NEGR1: variants seen among roughly 807,000 people sequenced by gnomAD.
The protein encoded by NEGR1 is IgLON family member 4.
A neutral mutation model predicts 40.9 loss-of-function variants in NEGR1; 10 were observed. The ratio of observed to expected loss-of-function variants is 0.24; its 90% CI spans 0.15 to 0.42. The LOEUF (loss-of-function observed/expected upper bound fraction) is 0.42. Ranked by LOEUF, NEGR1 falls within the 10% of genes least tolerant of loss-of-function variation. The pLI is 1.00. For synonymous variants in NEGR1, 185 were observed against 166.8 expected, an observed-to-expected ratio of 1.11 and a Z score of -0.84; for missense variants, 352 against 438.9, an observed-to-expected ratio of 0.80 and a Z score of 1.77.
chr1:72,174,769 A>T lies in NEGR1; in HGVS notation c.176+107550T>A, dbSNP rs7416220. Among the ~76,000 whole-genome samples the T allele has an allele frequency of 2.5e-3, 387 of 152,060 alleles. 2 individuals are homozygous for T. Among genetic ancestry groups the T allele is most frequent in the African/African-American group, 8.7e-3 (362 of 41,480 alleles). On this transcript the variant is annotated intron_variant, in intron 1 of 6. Coordinates refer to ENST00000357731, the MANE Select transcript of NEGR1 (RefSeq NM_173808.3). ...TTTCTTATAAAATTAAAAAAAATTT[A>T]AAAAAAATTTTCGGCTTTATGCCTC...
intron 6 of NEGR1, among the ~76,000 whole-genome samples, chr1:71,524,679 C>A (rs1647196378): frequency 6.6e-6 from 1 of 151,624 alleles, no homozygotes; most frequent in Non-Finnish European, 1.5e-5. Context: ...GAATTTATTA[C>A]ATTATGTAGC....
intron 6 of NEGR1, among the ~76,000 whole-genome samples, chr1:71,449,347 A>G (rs1646607398): frequency 6.6e-6 from 1 of 152,174 alleles, no homozygotes; most frequent in Admixed American, 6.5e-5. Context: ...AAGTTTTGCA[A>G]ATTTTTCACA....
chr1:71,835,474 A>T (rs902145079), intron 2 of NEGR1, among the ~76,000 whole-genome samples: 3 of 151,952 alleles, frequency 2.0e-5, no homozygotes, highest in African/African-American at 7.2e-5. Flanking sequence ...CTGTCCTGCA[A>T]CCTCTCTACT....
intron 1 of NEGR1, among the ~76,000 whole-genome samples, chr1:72,203,857 A>G (rs1351013687): frequency 5.3e-5 from 8 of 152,132 alleles, no homozygotes; most frequent in Non-Finnish European, 1.0e-4. Context: ...TGACTTATTG[A>G]AGGCTCAGAG....
chr1:71,727,586 A>C (rs1321051235), intron 3 of NEGR1, among the ~76,000 whole-genome samples: 1 of 152,152 alleles, frequency 6.6e-6, no homozygotes, highest in African/African-American at 2.4e-5. Context: ...CACAAATACA[A>C]GAAAGAACAG....
intron 2 of NEGR1, among the ~76,000 whole-genome samples, chr1:71,904,992 C>A (rs1661236830): frequency 6.6e-6 from 1 of 152,064 alleles, no homozygotes; most frequent in Admixed American, 6.6e-5. Context: ...AATGCTACAG[C>A]AGCCATCTTA....
At chr1:72,188,103 C>T (rs775799684) in intron 1 of NEGR1, among the ~76,000 whole-genome samples, 1 of 151,392 alleles carries the variant, frequency 6.6e-6, no homozygotes, top group Admixed American at 6.6e-5. Flanking sequence ...ATGCTGATCT[C>T]TTTACTCTCA....
chr1:71,710,417 C>T (rs1654039941), intron 3 of NEGR1, among the ~76,000 whole-genome samples: 1 of 152,192 alleles, frequency 6.6e-6, no homozygotes. Context: ...AAGGAGGTAT[C>T]TGTACTCCTA....
intron 1 of NEGR1, among the ~76,000 whole-genome samples, chr1:72,175,732 A>G (rs1185236224): frequency 6.6e-6 from 1 of 152,090 alleles, no homozygotes; most frequent in African/African-American, 2.4e-5. Flanking sequence ...TCCATCTGTA[A>G]GAAAATTATT....
At chr1:71,577,280 G>C (rs573462762) in intron 6 of NEGR1, among the ~76,000 whole-genome samples, 1 of 152,254 alleles carries the variant, frequency 6.6e-6, no homozygotes, top group South Asian at 2.1e-4. Flanking sequence ...GAAATAATTT[G>C]CTTTTGTTTC....
At chr1:72,079,307 C>T (rs1647886753) in intron 1 of NEGR1, among the ~76,000 whole-genome samples, 1 of 151,706 alleles carries the variant, frequency 6.6e-6, no homozygotes, top group African/African-American at 2.4e-5. Context: ...AACAACTATC[C>T]ATCACATTAA....
intron 6 of NEGR1, among the ~76,000 whole-genome samples, chr1:71,440,153 G>T (rs1273832417): frequency 6.6e-6 from 1 of 152,050 alleles, no homozygotes; most frequent in Non-Finnish European, 1.5e-5. Context: ...ATGAATAAAA[G>T]AATAAGTATC....
At chr1:72,006,960 G>T (rs555813449) in intron 1 of NEGR1, among the ~76,000 whole-genome samples, 46 of 151,998 alleles carry the variant, frequency 3.0e-4, no homozygotes, top group Non-Finnish European at 5.7e-4. Context: ...CATTTTTTTG[G>T]TTGTTTTTGT....
intron 2 of NEGR1, among the ~76,000 whole-genome samples, chr1:71,910,614 A>G (rs113368396): frequency 2.6e-5 from 4 of 152,140 alleles, no homozygotes; most frequent in African/African-American, 9.7e-5. Context: ...ATTCAAAGTT[A>G]CATTTGTTTA....
At chr1:71,638,956 C>G (rs1050632175) in intron 4 of NEGR1, among the ~76,000 whole-genome samples, 1 of 151,494 alleles carries the variant, frequency 6.6e-6, no homozygotes, top group Non-Finnish European at 1.5e-5. Flanking sequence ...TACTCACATT[C>G]ATTTCACCTA....
intron 2 of NEGR1, among the ~76,000 whole-genome samples, chr1:71,835,081 T>G (rs748458250): frequency 6.6e-6 from 1 of 152,126 alleles, no homozygotes; most frequent in African/African-American, 2.4e-5. Flanking sequence ...CTCACATGAC[T>G]GACAGTTGGC....
intron 1 of NEGR1, among the ~76,000 whole-genome samples, chr1:72,220,040 C>A (rs551521818): frequency 6.6e-6 from 1 of 151,972 alleles, no homozygotes; most frequent in East Asian, 1.9e-4. Flanking sequence ...ATAGATTCAT[C>A]TTGGAAACTA....
intron 1 of NEGR1, among the ~76,000 whole-genome samples, chr1:72,140,331 A>G (rs957915708): frequency 2.6e-5 from 4 of 152,024 alleles, no homozygotes; most frequent in Non-Finnish European, 5.9e-5. Flanking sequence ...GTAATTTACA[A>G]TGAAAATAAA....
intron 1 of NEGR1, among the ~76,000 whole-genome samples, chr1:72,058,979 G>A (rs1188217557): frequency 6.6e-6 from 1 of 151,540 alleles, no homozygotes; most frequent in Non-Finnish European, 1.5e-5. Flanking sequence ...GGTATCTAAT[G>A]AAGACTTTAC....
Sources: gnomAD v4.1 joint callset for allele counts (sites outside exome capture counted in the v4.1 genomes callset) on GRCh38, gnomAD v4.1.1 for gene constraint, MANE v1.5 for transcripts, NCBI Gene and HGNC (gene_info 2026-07-23, HGNC 2026-07-21) for gene names.